TRERF1: variants seen among roughly 807,000 people sequenced by gnomAD.
TRERF1 encodes the protein transcriptional-regulating factor 1.
A neutral mutation model predicts 122.9 loss-of-function variants in TRERF1; 27 were observed. That is an observed-to-expected ratio of 0.22 (90% CI 0.16 to 0.30). The LOEUF (loss-of-function observed/expected upper bound fraction) is 0.30. Ranked by LOEUF, TRERF1 falls within the 10% of genes least tolerant of loss-of-function variation. The pLI is 1.00. For missense variants in TRERF1, 1,248 were observed against 1,560.3 expected, an observed-to-expected ratio of 0.80 and a Z score of 3.37; for synonymous variants, 636 against 641.7, an observed-to-expected ratio of 0.99 and a Z score of 0.13.
Position 42,228,227 on chromosome 6 carries a change from G to A in TRERF1, c.*118C>T. On this transcript the variant is annotated 3_prime_UTR_variant, in exon 18 of 18. Transcript: ENST00000372922. The surrounding 1 kb of genome is among the most constrained non-coding windows in gnomAD (Gnocchi z 4.2). ...TTTTTTTTCTAAACCTGAATAAAAT[G>A]ACCACTTTTAAAACAGGTAGTTTAA... is the stretch of plus-strand genomic sequence containing the variant. 3.6e-6 allele frequency: 3 copies of A among 829,878 alleles called. No homozygotes were observed. The highest frequency in any genetic ancestry group is 5.1e-6 in the Non-Finnish European group (3 of 583,692). The allele number at this position is 829,878 out of a possible 1,614,324, so 51.4% of individuals were successfully genotyped here. A position where few individuals can be genotyped will look rare whatever the true frequency, so the allele number is the denominator to read the frequency against.
At chr6:42,377,458 T>C (rs1483401801) in intron 2 of TRERF1, among the ~76,000 whole-genome samples, 5 of 152,254 alleles carry the variant, frequency 3.3e-5, no homozygotes, top group Non-Finnish European at 4.4e-5. Context: ...CTCAGCATAA[T>C]GTCTTCAAGG....
At chr6:42,315,690 T>G (rs1762352979) in intron 3 of TRERF1, among the ~76,000 whole-genome samples, 2 of 147,438 alleles carry the variant, frequency 1.4e-5, no homozygotes, top group South Asian at 2.2e-4. Context: ...GGGTCAGGGT[T>G]GGGGAGAGGA....
chr6:42,385,523 A>G (rs1266382082), intron 2 of TRERF1, among the ~76,000 whole-genome samples: 1 of 152,168 alleles, frequency 6.6e-6, no homozygotes, highest in Non-Finnish European at 1.5e-5. Flanking sequence ...GTGCACTCAC[A>G]CTTTCGATAA....
At chr6:42,255,650 A>G (rs1274904313) in intron 12 of TRERF1, among the ~76,000 whole-genome samples, 1 of 152,228 alleles carries the variant, frequency 6.6e-6, no homozygotes, top group Non-Finnish European at 1.5e-5. Flanking sequence ...GAAGTGCTAC[A>G]CTGCCACACT....
intron 3 of TRERF1, among the ~76,000 whole-genome samples, chr6:42,343,100 T>C (rs1767600319): frequency 6.6e-6 from 1 of 152,142 alleles, no homozygotes; most frequent in East Asian, 1.9e-4. Context: ...AGCCTGTTAC[T>C]GTTGAGCCAC....
In TRERF1 at chr6:42,275,388, T is replaced by C. The variant is rs1309615783; in HGVS notation, c.-258-5540A>G. On this transcript the variant is annotated intron_variant, in intron 4 of 17. Transcript: ENST00000372922. The surrounding 1 kb of genome is among the most constrained non-coding windows in gnomAD (Gnocchi z 4.1). ...AGGACTCCAGGATTCCAGGGTGGGC[T>C]CAACAAATAAATGCCCACTCAGAAC... is the stretch of plus-strand genomic sequence containing the variant. 1.3e-5 allele frequency among the ~76,000 whole-genome samples: 2 copies of C among 152,206 alleles called. No individual in the cohort carries two copies. The highest frequency in any genetic ancestry group is 2.9e-5 in the Non-Finnish European group (2 of 68,040).
chr6:42,394,611 G>A (rs1003237641), intron 2 of TRERF1, among the ~76,000 whole-genome samples: 2 of 152,184 alleles, frequency 1.3e-5, no homozygotes. Context: ...GTCTATAGAT[G>A]CTTAAGAGGC....
At chr6:42,246,646 G>T in intron 13 of TRERF1, 102 bp from the exon 14 acceptor site, 2 of 737,436 alleles carry the variant, frequency 2.7e-6, no homozygotes, top group South Asian at 2.0e-5. Flanking sequence ...CAGAGCAAGT[G>T]ATATAATACA....
chr6:42,359,706 G>A (rs1449854970), intron 3 of TRERF1, among the ~76,000 whole-genome samples: 1 of 152,176 alleles, frequency 6.6e-6, no homozygotes, highest in African/African-American at 2.4e-5. Flanking sequence ...CCTGGTGACA[G>A]AGCGAGACTC....
At chr6:42,401,653 C>T (rs260282) in intron 2 of TRERF1, among the ~76,000 whole-genome samples, 16 of 152,292 alleles carry the variant, frequency 1.1e-4, no homozygotes, top group African/African-American at 3.4e-4. Flanking sequence ...CAGTTTGGTG[C>T]CAGCATGGAT....
At chr6:42,413,193 T>C (rs751384253) in intron 2 of TRERF1, among the ~76,000 whole-genome samples, 2 of 152,170 alleles carry the variant, frequency 1.3e-5, no homozygotes, top group South Asian at 4.1e-4. Flanking sequence ...GAAAACAGGA[T>C]GAATTTCATT....
intron 2 of TRERF1, among the ~76,000 whole-genome samples, chr6:42,399,452 T>C (rs1340975031): frequency 6.6e-6 from 1 of 152,160 alleles, no homozygotes; most frequent in African/African-American, 2.4e-5. Flanking sequence ...TCTTCAGGTA[T>C]CTGCTTGCAT....
chr6:42,231,103 G>A (rs1770460784), intron 17 of TRERF1, among the ~76,000 whole-genome samples: 1 of 152,224 alleles, frequency 6.6e-6, no homozygotes, highest in Non-Finnish European at 1.5e-5. Flanking sequence ...GTTGGAAGGT[G>A]TGGCCTAATG....
At chr6:42,258,114 G>A in intron 10 of TRERF1, 21 bp downstream of exon 10, 7 of 1,608,358 alleles carry the variant, frequency 4.4e-6, no homozygotes, top group Non-Finnish European at 5.1e-6. Context: ...CTGTTCTAAA[G>A]AGTAATTGAC....
rs1276360100 is a variant in TRERF1 at position 42,268,418 on chromosome 6, G to A, written c.1173C>T (p.Tyr391=). ...GGTGCTGGGACAGGTGGCTCTGCTG[G>A]TAGAGGGGGTGGCTGTAGGGCTGCT... The change falls in exon 5 of 18, where the codon TAC becomes TAT. Residue 391 remains tyrosine, a synonymous_variant. Transcript: ENST00000372922. This position sits in a 1 kb window ranked among gnomAD's most constrained non-coding sequence, Gnocchi z 4.4. 6.4e-7 allele frequency: 1 copy of A among 1,561,264 alleles called. No homozygotes were observed. The highest frequency in any genetic ancestry group is 1.2e-5 in the South Asian group (1 of 81,068).
exon 18 of TRERF1, chr6:42,226,926 C>CA (rs1769629499): frequency 1.3e-5 from 2 of 152,366 alleles, no homozygotes; most frequent in East Asian, 3.9e-4. Flanking sequence ...AGGGGAGTTG[C>CA]ATGAAGCAGG....
intron 2 of TRERF1, among the ~76,000 whole-genome samples, chr6:42,388,491 G>A (rs553929820): frequency 6.6e-6 from 1 of 152,164 alleles, no homozygotes; most frequent in South Asian, 2.1e-4. Context: ...GCCATAGAAA[G>A]CTGAAAATCA....
intron 3 of TRERF1, among the ~76,000 whole-genome samples, chr6:42,327,385 G>A (rs186235380): frequency 2.6e-5 from 4 of 152,260 alleles, no homozygotes; most frequent in East Asian, 1.9e-4. Context: ...CAATTTGTCC[G>A]GGGTCTCAGA....
chr6:42,241,549 C>T (rs1025908791), intron 15 of TRERF1, among the ~76,000 whole-genome samples: 1 of 151,916 alleles, frequency 6.6e-6, no homozygotes, highest in Non-Finnish European at 1.5e-5. Flanking sequence ...GCAACTTCTG[C>T]CTCCTGGGTT....
Sources: allele counts gnomAD v4.1 joint callset (sites outside exome capture counted in the v4.1 genomes callset), GRCh38; gene constraint gnomAD v4.1.1; non-coding constraint Gnocchi (gnomAD v3.1); transcripts MANE v1.5; gene names NCBI Gene and HGNC (gene_info 2026-07-23, HGNC 2026-07-21).